The following ACLY variants were observed in gnomAD, a reference collection of about 807,000 sequenced individuals.
The protein encoded by ACLY is ATP-citrate synthase.
Under a neutral mutation model 133.0 loss-of-function variants are expected in ACLY, and 41 were observed. The observed-to-expected ratio is 0.31, with a 90% CI of 0.24 to 0.40. The LOEUF (loss-of-function observed/expected upper bound fraction) is 0.40, where lower values mean the gene tolerates loss of function less well. Ranked by LOEUF, ACLY falls within the 10% of genes least tolerant of loss-of-function variation. The probability of loss-of-function intolerance (pLI) is 1.00; values close to 1 mark genes in which losing one functional copy is unlikely to be tolerated. For missense variants in ACLY, 1,046 were observed against 1,453.8 expected (o/e 0.72, Z 4.56); for synonymous variants, 495 against 549.3 (o/e 0.90, Z 1.38).
intron 16 of ACLY, among the ~76,000 whole-genome samples, chr17:41,888,156 A>G (rs1156499303): frequency 6.6e-6 from 1 of 151,996 alleles, no homozygotes; most frequent in African/African-American, 2.4e-5. Context: ...AAACGAAAAA[A>G]CAAAACCAAT....
At chr17:41,930,535 G>C (rs547838168) in exon 1 of ACLY, 1 of 552,578 alleles carries the variant, frequency 1.8e-6, no homozygotes, top group Admixed American at 3.1e-5. Flanking sequence ...GGCCCAGTGC[G>C]CGGCAGAACT....
intron 13 of ACLY, among the ~76,000 whole-genome samples, chr17:41,897,278 G>A (rs2049396215): frequency 6.6e-6 from 1 of 152,122 alleles, no homozygotes; most frequent in Admixed American, 6.5e-5. Context: ...ACAGGCGGGG[G>A]CTTTTCTTGC....
At chr17:41,869,691 G>T (rs1165613683) in intron 25 of ACLY, 104 bp from the exon 26 acceptor site, 5 of 941,676 alleles carry the variant, frequency 5.3e-6, no homozygotes, top group Non-Finnish European at 8.3e-6. Context: ...TCCCAGCGGC[G>T]ATTCAGGAAC....
At chr17:41,890,613 G>C (rs1405111522) in intron 16 of ACLY, among the ~76,000 whole-genome samples, 1 of 151,926 alleles carries the variant, frequency 6.6e-6, no homozygotes, top group African/African-American at 2.4e-5. Context: ...ACTTGAACCC[G>C]GGAGGCGGAG....
chr17:41,871,351 CTTT>C (rs550568825), intron 25 of ACLY, among the ~76,000 whole-genome samples: 3 of 139,202 alleles, frequency 2.2e-5, no homozygotes, highest in Non-Finnish European at 3.1e-5. Flanking sequence ...ATCCATCCCA[CTTT>C]TTTTTTTTTT....
rs140702347 is a variant in ACLY at position 41,874,419 on chromosome 17, G to A, written c.2488-454C>T. On this transcript the variant is annotated intron_variant, in intron 22 of 28. Transcript: ENST00000352035. ...CCCAGTAGCTGGGGCAACAAGGCACGCACCGCCACGCCTGGCTAATTTTAA... is the reference window on the plus strand; with the variant it reads ...CCCAGTAGCTGGGGCAACAAGGCACACACCGCCACGCCTGGCTAATTTTAA... Among the ~76,000 whole-genome samples the A allele has an allele frequency of 4.2e-3, 645 of 152,076 alleles. 3 individuals are homozygous for A. The highest frequency in any genetic ancestry group is 0.012 in the African/African-American group (512 of 41,470).
intron 16 of ACLY, among the ~76,000 whole-genome samples, chr17:41,889,555 A>AAAAAAAAAAAAAAAAAC (rs2049149728): frequency 6.7e-6 from 1 of 149,956 alleles, no homozygotes; most frequent in Non-Finnish European, 1.5e-5. Context: ...AAAAAAAAAA[A>AAAAAAAAAAAAAAAAAC]AGAAGTAGCT....
Position 41,872,031 on chromosome 17 carries a change from C to T in ACLY, c.2793+1G>A, listed in dbSNP as rs1370471251. ...TCACCTCCCATGATGACAGTACTTA[C>T]GATGGTGAGCAGCCCCGAGGTGAGG... is the stretch of plus-strand genomic sequence containing the variant. On this transcript the variant is annotated splice_donor_variant, in intron 24 of 28. Coordinates refer to ENST00000352035, the MANE Select transcript of ACLY (RefSeq NM_001096.3). LOFTEE classifies it high-confidence loss of function. 1.9e-6 allele frequency: 3 copies of T among 1,613,934 alleles called. No homozygotes were observed. The highest frequency in any genetic ancestry group is 1.7e-6 in the Non-Finnish European group (2 of 1,179,902).
chr17:41,871,994 T>C (rs1555625172), intron 24 of ACLY, 38 bp downstream of exon 24: 7 of 1,611,312 alleles, frequency 4.3e-6, no homozygotes, highest in South Asian at 1.1e-5. Flanking sequence ...CAAGGCCCAG[T>C]GTCCCCACTG....
chr17:41,889,844 C>G (rs1032194505), intron 16 of ACLY, among the ~76,000 whole-genome samples: 3 of 152,018 alleles, frequency 2.0e-5, no homozygotes, highest in African/African-American at 7.2e-5. Flanking sequence ...TGCCACCATA[C>G]CCAGCTATTT....
chr17:41,928,852 T>TAAAA (rs11428338), intron 1 of ACLY, among the ~76,000 whole-genome samples: 2 of 119,804 alleles, frequency 1.7e-5, no homozygotes, highest in Non-Finnish European at 3.3e-5. Flanking sequence ...GACTCCACCA[T>TAAAA]AAAAAAAAAA....
At chr17:41,927,559 C>G (rs1237054257) in intron 1 of ACLY, among the ~76,000 whole-genome samples, 1 of 152,170 alleles carries the variant, frequency 6.6e-6, no homozygotes, top group African/African-American at 2.4e-5. Flanking sequence ...GGCGCAGTGG[C>G]TCATGCCTGT....
At chr17:41,878,709 C>T in intron 21 of ACLY, 88 bp downstream of exon 21, 1 of 1,519,032 alleles carries the variant, frequency 6.6e-7, no homozygotes, top group Non-Finnish European at 9.0e-7. Context: ...ACCAGGAATA[C>T]ATGATGTCCC....
At chr17:41,892,945 C>A (rs2049255467) in intron 15 of ACLY, 88 bp downstream of exon 15, 5 of 1,519,438 alleles carry the variant, frequency 3.3e-6, no homozygotes, top group Non-Finnish European at 4.5e-6. Flanking sequence ...TCCCAAAGCG[C>A]TAGGATTACA....
At chr17:41,871,543 C>T (rs1271680075) in intron 25 of ACLY, 146 bp downstream of exon 25, 7 of 869,802 alleles carry the variant, frequency 8.0e-6, no homozygotes, top group Admixed American at 7.5e-5. Flanking sequence ...TTAGTAGAGA[C>T]GGGGTTTCTC....
chr17:41,868,652 G>T, intron 28 of ACLY, 57 bp downstream of exon 28: 15 of 1,293,016 alleles, frequency 1.2e-5, no homozygotes, highest in Non-Finnish European at 1.7e-5. Flanking sequence ...AGTAAGTGGT[G>T]TAGCTGAACC....
chr17:41,872,034 T>C lies in ACLY; in HGVS notation c.2791A>G (p.Ile931Val). The C allele has an allele frequency of 6.2e-7, 1 of 1,614,006 alleles. No homozygotes were observed. The highest frequency in any genetic ancestry group is 8.5e-7 in the Non-Finnish European group (1 of 1,179,954). ...CCTCCCATGATGACAGTACTTACGA[T>C]GGTGAGCAGCCCCGAGGTGAGGCTG... ...VSSLTSGLLT[I>V]GDRFGGALDA... Residue 931 changes from isoleucine to valine, a missense_variant and splice_region_variant, in exon 24 of 29, where the codon ATC (isoleucine) becomes GTC (valine). Around this residue, in one of 4 missense-constraint regions of ACLY, gnomAD observed 205 missense variants for 373.3 expected, o/e 0.55. Coordinates refer to ENST00000352035, the MANE Select transcript of ACLY (RefSeq NM_001096.3).
At chr17:41,928,381 T>G (rs2050267016) in intron 1 of ACLY, among the ~76,000 whole-genome samples, 1 of 151,984 alleles carries the variant, frequency 6.6e-6, no homozygotes, top group Admixed American at 6.6e-5. Context: ...GTTCCATTAA[T>G]CCATATATAT....
chr17:41,898,905 C>T, intron 11 of ACLY, 120 bp from the exon 12 acceptor site: 1 of 984,686 alleles, frequency 1.0e-6, no homozygotes, highest in South Asian at 1.7e-5. Context: ...CAGTGCAAGA[C>T]CAATATCCAG....
Sources: gnomAD v4.1 joint callset for allele counts (sites outside exome capture counted in the v4.1 genomes callset) on GRCh38, gnomAD v4.1.1 for gene constraint, gnomAD v4.1.1 regional missense constraint, MANE v1.5 for transcripts, NCBI Gene and HGNC (gene_info 2026-07-23, HGNC 2026-07-21) for gene names.